APBA2: variants seen among roughly 807,000 people sequenced by gnomAD.
APBA2 encodes the protein amyloid beta precursor protein binding family A member 2, also known as amyloid-beta A4 precursor protein-binding family A member 2.
Under a neutral mutation model 75.0 loss-of-function variants are expected in APBA2, and 30 were observed. That is an observed-to-expected ratio of 0.40 (90% CI 0.30 to 0.54). The LOEUF is 0.54. APBA2 is among the 20% of genes least tolerant of loss of function. The probability of loss-of-function intolerance (pLI) is 0.49; values close to 1 mark genes in which losing one functional copy is unlikely to be tolerated. For missense variants in APBA2, 801 were observed against 1,016.1 expected, an observed-to-expected ratio of 0.79 and a Z score of 2.88; for synonymous variants, 444 against 409.6, an observed-to-expected ratio of 1.08 and a Z score of -1.01.
intron 1 of APBA2, among the ~76,000 whole-genome samples, chr15:28,886,758 C>T (rs1378756253): frequency 6.6e-6 from 1 of 152,222 alleles, no homozygotes; most frequent in African/African-American, 2.4e-5. Context: ...GCCCCCTTCC[C>T]TTTCCCTTTA....
chr15:28,918,865 T>TA lies in APBA2; in HGVS notation c.-204-2775_-204-2774insA, dbSNP rs901553617. On this transcript the variant is annotated intron_variant, in intron 1 of 14. Coordinates refer to ENST00000683413, the MANE Select transcript of APBA2 (RefSeq NM_001353788.2). The surrounding 1 kb of genome is among the most constrained non-coding windows in gnomAD (Gnocchi z 4.2). ...GCCAGTTAATTGTGGGGATTATTATTTTTTTTTTTTTGTAGACGGAGTCGC... is the reference window on the plus strand; with the variant it reads ...GCCAGTTAATTGTGGGGATTATTATTATTTTTTTTTTTGTAGACGGAGTCGC... Among the ~76,000 whole-genome samples, 3 of 148,116 alleles carry TA rather than the reference T, an allele frequency of 2.0e-5. No individual in the cohort carries two copies. The highest frequency in any genetic ancestry group is 3.0e-5 in the Non-Finnish European group (2 of 66,604).
intron 11 of APBA2, 80 bp downstream of exon 11, chr15:29,105,638 G>A (rs767473002): frequency 2.6e-5 from 39 of 1,515,484 alleles, no homozygotes; most frequent in Admixed American, 3.5e-5. Flanking sequence ...GAGCCTTCCC[G>A]GGGTCCTCAC....
intron 1 of APBA2, among the ~76,000 whole-genome samples, chr15:28,896,723 G>A (rs148102341): frequency 3.8e-3 from 581 of 152,278 alleles, no homozygotes; most frequent in Middle Eastern, 0.027. Context: ...TGCTGACTGG[G>A]TCAGCAGTGG....
At chr15:29,090,054 C>G (rs917599398) in intron 6 of APBA2, among the ~76,000 whole-genome samples, 14 of 152,186 alleles carry the variant, frequency 9.2e-5, no homozygotes, top group African/African-American at 2.4e-4. Flanking sequence ...CACCATGCCG[C>G]CCCCACTGGA....
chr15:28,906,373 C>G (rs1389103489), intron 1 of APBA2, among the ~76,000 whole-genome samples: 2 of 152,200 alleles, frequency 1.3e-5, no homozygotes, highest in Non-Finnish European at 2.9e-5. Flanking sequence ...GACACTTGCA[C>G]AATATGTGAC....
intron 1 of APBA2, among the ~76,000 whole-genome samples, chr15:28,920,149 A>C (rs2033898034): frequency 6.6e-6 from 1 of 152,218 alleles, no homozygotes; most frequent in African/African-American, 2.4e-5. Context: ...AATGATTGTG[A>C]GGACTGCAGA....
chr15:28,980,941 G>C (rs1418231254), intron 2 of APBA2, among the ~76,000 whole-genome samples: 1 of 152,158 alleles, frequency 6.6e-6, no homozygotes, highest in Non-Finnish European at 1.5e-5. Context: ...ATGGGGAGAG[G>C]ACTCCCTATT....
chr15:28,909,659 C>A (rs1167383052), intron 1 of APBA2, among the ~76,000 whole-genome samples: 2 of 152,150 alleles, frequency 1.3e-5, no homozygotes, highest in African/African-American at 4.8e-5. Context: ...AGGTGCTGGG[C>A]ACAGGTGCTG....
At chr15:29,076,129 G>A in intron 6 of APBA2, 38 bp downstream of exon 6, 2 of 1,606,212 alleles carry the variant, frequency 1.2e-6, no homozygotes, top group Non-Finnish European at 8.5e-7. Flanking sequence ...AGGGGCAGTT[G>A]CATTTTACAT....
intron 1 of APBA2, among the ~76,000 whole-genome samples, chr15:28,900,256 GGAATGGGT>G (rs954966898): frequency 3.9e-5 from 6 of 152,196 alleles, no homozygotes; most frequent in Non-Finnish European, 8.8e-5. Flanking sequence ...TGGCTGTGTG[GGAATGGGT>G]GACAGGTGCT....
intron 2 of APBA2, among the ~76,000 whole-genome samples, chr15:28,925,170 A>G (rs1018413427): frequency 6.6e-6 from 1 of 152,182 alleles, no homozygotes; most frequent in Non-Finnish European, 1.5e-5. Flanking sequence ...TTGATGTGGT[A>G]GATTATATCC....
chr15:28,938,160 A>G (rs556677616), intron 2 of APBA2, among the ~76,000 whole-genome samples: 3 of 152,280 alleles, frequency 2.0e-5, no homozygotes, highest in East Asian at 3.9e-4. Context: ...GAGATTGCCA[A>G]ACTTTCTCAG....
intron 10 of APBA2, among the ~76,000 whole-genome samples, chr15:29,103,061 A>G (rs986702480): frequency 1.3e-5 from 2 of 152,180 alleles, no homozygotes; most frequent in African/African-American, 2.4e-5. Flanking sequence ...ACCCTTCGAA[A>G]CCTGGATGGG....
At chr15:29,108,867 G>A (rs2044582518) in intron 13 of APBA2, among the ~76,000 whole-genome samples, 2 of 152,240 alleles carry the variant, frequency 1.3e-5, no homozygotes, top group African/African-American at 4.8e-5. Flanking sequence ...AGGCAGGAGT[G>A]CTGCCTGGAG....
intron 4 of APBA2, among the ~76,000 whole-genome samples, chr15:29,057,630 A>C (rs1289584891): frequency 6.6e-6 from 1 of 152,234 alleles, no homozygotes; most frequent in Non-Finnish European, 1.5e-5. Flanking sequence ...GATGTATGAT[A>C]AATGTTTCTC....
At chr15:29,087,800 G>A (rs1003751678) in intron 6 of APBA2, among the ~76,000 whole-genome samples, 2 of 152,060 alleles carry the variant, frequency 1.3e-5, no homozygotes, top group South Asian at 4.2e-4. Flanking sequence ...CTGGTGGCTC[G>A]CCTCCTCCCA....
intron 14 of APBA2, 49 bp downstream of exon 14, chr15:29,114,065 C>T: frequency 6.2e-7 from 1 of 1,612,864 alleles, no homozygotes; most frequent in South Asian, 1.1e-5. Flanking sequence ...CCCACGTGCT[C>T]CCGCCTGCCC....
intron 4 of APBA2, among the ~76,000 whole-genome samples, chr15:29,062,429 C>T (rs990546404): frequency 1.3e-5 from 2 of 152,158 alleles, no homozygotes; most frequent in South Asian, 2.1e-4. Flanking sequence ...TGTGCATTGA[C>T]GTTTCAATCC....
intron 3 of APBA2, among the ~76,000 whole-genome samples, chr15:29,042,912 T>C (rs1362488714): frequency 6.6e-6 from 1 of 152,128 alleles, no homozygotes; most frequent in Non-Finnish European, 1.5e-5. Context: ...AAAAGGTCAG[T>C]GCTGGTAACG....
Sources: gnomAD v4.1 joint callset for allele counts (sites outside exome capture counted in the v4.1 genomes callset) on GRCh38, gnomAD v4.1.1 for gene constraint, Gnocchi (gnomAD v3.1) non-coding constraint, MANE v1.5 for transcripts, NCBI Gene and HGNC (gene_info 2026-07-23, HGNC 2026-07-21) for gene names.